The following SRGAP2B variants were observed in gnomAD, a reference collection of about 807,000 sequenced individuals.
SRGAP2B encodes SLIT-ROBO Rho GTPase activating protein 2B, also known as SLIT-ROBO Rho GTPase-activating protein 2B.
SRGAP2B carries 9 observed loss-of-function variants against 22.2 expected under a neutral mutation model. That is an observed-to-expected ratio of 0.41 (90% CI 0.24 to 0.71). The LOEUF is 0.71. Ranked by LOEUF, SRGAP2B falls within the 30% of genes least tolerant of loss-of-function variation. The pLI is 0.35. For synonymous variants in SRGAP2B, 36 were observed against 87.4 expected, an observed-to-expected ratio of 0.41 and a Z score of 3.28; for missense variants, 114 against 235.8, an observed-to-expected ratio of 0.48 and a Z score of 3.38.
intron 3 of SRGAP2B, among the ~76,000 whole-genome samples, chr1:144,957,432 A>C (rs1453080199): frequency 7.1e-6 from 1 of 140,820 alleles, no homozygotes; most frequent in East Asian, 2.0e-4. Flanking sequence ...TAGAGTCCAA[A>C]TTGAAACTGT....
At chr1:144,971,704 T>C (rs1228568089) in intron 3 of SRGAP2B, among the ~76,000 whole-genome samples, 4 of 150,760 alleles carry the variant, frequency 2.7e-5, no homozygotes, top group Non-Finnish European at 4.4e-5. Context: ...AAGAATCATG[T>C]GCAAAGAGAA....
At chr1:144,894,048 G>A (rs1662250658) in intron 8 of SRGAP2B, among the ~76,000 whole-genome samples, 2 of 144,888 alleles carry the variant, frequency 1.4e-5, no homozygotes, top group East Asian at 1.9e-4. Flanking sequence ...TTGAGGGCCC[G>A]AGAGGGTATG....
At chr1:145,073,070 G>T (rs1185321149) in intron 2 of SRGAP2B, among the ~76,000 whole-genome samples, 1 of 149,692 alleles carries the variant, frequency 6.7e-6, no homozygotes, top group African/African-American at 2.5e-5. Flanking sequence ...GTTTAGCTGT[G>T]CTCTTTCCCT....
At chr1:144,999,248 G>A (rs1387605888) in intron 2 of SRGAP2B, among the ~76,000 whole-genome samples, 4 of 149,732 alleles carry the variant, frequency 2.7e-5, no homozygotes, top group Admixed American at 1.3e-4. Context: ...GAAATACATG[G>A]AAAGAAGTCA....
rs1401700542 is a variant in SRGAP2B, at chr1:145,047,099, C to T, written c.67+45736G>A. Among the ~76,000 whole-genome samples, 11 of 141,346 alleles carry T rather than the reference C, an allele frequency of 7.8e-5. 1 individual carries two copies. Among genetic ancestry groups the T allele is most frequent in the African/African-American group, 2.3e-4 (8 of 35,328 alleles). 92.7% of individuals were successfully genotyped at this position (141,346 alleles called of 152,430 possible). A position where few individuals can be genotyped will look rare whatever the true frequency, so the allele number is the denominator to read the frequency against. On this transcript the variant is annotated intron_variant, in intron 2 of 9. Transcript: ENST00000612199. ...GCTGAGGCAGGAGAAACACTTGAAT[C>T]CAGGAGGCGGAGGCTGCAATGAGCC...
chr1:144,912,343 C>G (rs1663487021), intron 5 of SRGAP2B, among the ~76,000 whole-genome samples: 1 of 149,876 alleles, frequency 6.7e-6, no homozygotes, highest in Non-Finnish European at 1.5e-5. Flanking sequence ...TACTCCACCC[C>G]CTAGGATATA....
Position 144,984,371 on chromosome 1 carries a change from A to C in SRGAP2B, c.260+10637T>G, listed in dbSNP as rs1430663781. On this transcript the variant is annotated intron_variant, in intron 3 of 9. Transcript: ENST00000612199. Reference sequence around the variant, plus strand: ...ACAACAACAACAACAACAACAAAAAAAAAAAAACAAAAAAGCCCCTCTCTA... The same window carrying C: ...ACAACAACAACAACAACAACAAAAACAAAAAAACAAAAAAGCCCCTCTCTA... 2.1e-4 allele frequency among the ~76,000 whole-genome samples: 30 copies of C among 143,780 alleles called. 1 individual carries two copies. The highest frequency in any genetic ancestry group is 1.0e-3 in the East Asian group (5 of 4,994). 94.3% of individuals were successfully genotyped at this position (143,780 alleles called of 152,430 possible).
chr1:145,011,875 C>T (rs4058387), intron 2 of SRGAP2B, among the ~76,000 whole-genome samples: 7 of 150,674 alleles, frequency 4.6e-5, no homozygotes, highest in East Asian at 3.9e-4. Context: ...GAAAAGCTAA[C>T]GGCTTTCCAA....
At chr1:145,080,854 C>T (rs1469838496) in intron 2 of SRGAP2B, among the ~76,000 whole-genome samples, 2 of 149,482 alleles carry the variant, frequency 1.3e-5, no homozygotes, top group Non-Finnish European at 3.0e-5. Flanking sequence ...CCAGCCAGGC[C>T]GATCTTCAAC....
chr1:145,041,060 G>T (rs1649168379), intron 2 of SRGAP2B, among the ~76,000 whole-genome samples: 1 of 103,504 alleles, frequency 9.7e-6, no homozygotes, highest in Non-Finnish European at 1.8e-5. Context: ...ATCATTTGTT[G>T]CATGTATATA....
intron 3 of SRGAP2B, among the ~76,000 whole-genome samples, chr1:144,971,115 T>G (rs1668479514): frequency 6.7e-6 from 1 of 149,324 alleles, no homozygotes; most frequent in Non-Finnish European, 1.5e-5. Context: ...ATTAGTATAC[T>G]AAATAGGAAC....
intron 2 of SRGAP2B, among the ~76,000 whole-genome samples, chr1:145,010,659 G>A (rs1571002921): frequency 6.6e-6 from 1 of 150,522 alleles, no homozygotes; most frequent in South Asian, 2.1e-4. Flanking sequence ...AGTACATACG[G>A]TATAATGCCA....
At chr1:144,984,605 G>A (rs1669582413) in intron 3 of SRGAP2B, among the ~76,000 whole-genome samples, 1 of 149,460 alleles carries the variant, frequency 6.7e-6, no homozygotes, top group Non-Finnish European at 1.5e-5. Context: ...CATGTGTCTG[G>A]CACATGGTAA....
chr1:144,929,474 A>T (rs183348117), intron 4 of SRGAP2B, among the ~76,000 whole-genome samples: 3 of 150,700 alleles, frequency 2.0e-5, no homozygotes, highest in Non-Finnish European at 2.9e-5. Context: ...TTTTGAGTTA[A>T]TTTTTTTATT....
rs1232850767 is a variant in SRGAP2B, at chr1:144,925,516, T to C, written c.424-10762A>G. Among the ~76,000 whole-genome samples, 36 of 142,668 alleles carry C rather than the reference T, an allele frequency of 2.5e-4. 4 individuals carry two copies. Among genetic ancestry groups the C allele is most frequent in the Admixed American group, 2.1e-3 (31 of 14,636 alleles). 93.6% of individuals were successfully genotyped at this position (142,668 alleles called of 152,430 possible). A position where few individuals can be genotyped will look rare whatever the true frequency, so the allele number is the denominator to read the frequency against. On this transcript the variant is annotated intron_variant, in intron 4 of 9. Coordinates refer to ENST00000612199, the Ensembl canonical transcript of SRGAP2B. Reference sequence around the variant, plus strand: ...AAAATTAGCTGGGCATGGTGGCGCATGCCTGTAATCCCAGCTATCTGGGAG... The same window carrying C: ...AAAATTAGCTGGGCATGGTGGCGCACGCCTGTAATCCCAGCTATCTGGGAG...
chr1:144,984,356 C>CAAA, intron 3 of SRGAP2B, among the ~76,000 whole-genome samples: 1 of 128,756 alleles, frequency 7.8e-6, no homozygotes, highest in Non-Finnish European at 1.7e-5. Flanking sequence ...ACAACAACAA[C>CAAA]AACAACAACA....
chr1:144,951,170 T>G, intron 4 of SRGAP2B, among the ~76,000 whole-genome samples: 1 of 150,284 alleles, frequency 6.7e-6, no homozygotes, highest in Non-Finnish European at 1.5e-5. Flanking sequence ...TTTTGTTTTT[T>G]GTTTTTTGTT....
intron 2 of SRGAP2B, among the ~76,000 whole-genome samples, chr1:145,014,177 C>CG (rs1672251908): frequency 2.1e-5 from 3 of 145,342 alleles, no homozygotes; most frequent in African/African-American, 8.1e-5. Flanking sequence ...GTGTAGGCAC[C>CG]TGTAATTCCA....
At chr1:144,964,406 G>A (rs1351051272) in intron 3 of SRGAP2B, among the ~76,000 whole-genome samples, 6 of 148,902 alleles carry the variant, frequency 4.0e-5, no homozygotes, top group African/African-American at 1.5e-4. Context: ...GTGTGTATCT[G>A]TGCTCACTCT....
Sources: allele counts gnomAD v4.1 joint callset (sites outside exome capture counted in the v4.1 genomes callset), GRCh38; gene constraint gnomAD v4.1.1; transcripts MANE v1.5; gene names NCBI Gene and HGNC (gene_info 2026-07-23, HGNC 2026-07-21).